AHCTF1: variants seen among roughly 807,000 people sequenced by gnomAD.
AHCTF1 encodes protein ELYS.
AHCTF1 carries 24 observed loss-of-function variants against 248.4 expected under a neutral mutation model. The ratio of observed to expected loss-of-function variants is 0.10; its 90% CI spans 0.07 to 0.14. The LOEUF is 0.14. AHCTF1 is among the 10% of genes least tolerant of loss of function. AHCTF1 has a pLI of 1.00. For missense variants in AHCTF1, 2,206 were observed against 2,636.2 expected (o/e 0.84, Z 3.57); for synonymous variants, 786 against 929.8 (o/e 0.85, Z 2.81).
intron 21 of AHCTF1, among the ~76,000 whole-genome samples, chr1:246,881,550 G>C (rs1225874789): frequency 6.6e-6 from 1 of 152,056 alleles, no homozygotes; most frequent in Non-Finnish European, 1.5e-5. Context: ...AATAGAAGCA[G>C]GGTCAGCTGG....
intron 1 of AHCTF1, among the ~76,000 whole-genome samples, chr1:246,929,457 A>G (rs1303573648): frequency 6.7e-6 from 1 of 149,784 alleles, no homozygotes; most frequent in Non-Finnish European, 1.5e-5. Context: ...TTGGATTTAG[A>G]AGGAGGACCT....
chr1:246,867,061 A>G (rs543119616), intron 26 of AHCTF1, among the ~76,000 whole-genome samples, 183 bp downstream of exon 26: 42 of 152,362 alleles, frequency 2.8e-4, no homozygotes, highest in South Asian at 1.9e-3. Context: ...AAAAATTTTA[A>G]GTATACTACT....
Position 246,890,826 on chromosome 1 carries a change from C to A in AHCTF1, c.2050+130G>T, listed in dbSNP as rs181867609. 8.0e-4 allele frequency: 430 copies of A among 535,744 alleles called. 2 individuals are homozygous for A. The highest frequency in any genetic ancestry group is 7.8e-3 in the African/African-American group (394 of 50,622). The allele number at this position is 535,744 out of a possible 1,614,324, so 33.2% of individuals were successfully genotyped here. On this transcript the variant is annotated intron_variant, in intron 16 of 35. Coordinates refer to ENST00000648844, the MANE Select transcript of AHCTF1 (RefSeq NM_001323342.2). The stretch of plus-strand genomic sequence containing the variant: ...AAAAATGTAAGAAAAGAAGGTTAAG[C>A]ATAAATTAAATTAAGGAGAAAAATA...
At chr1:246,877,788 T>C (rs1663085360) in intron 21 of AHCTF1, among the ~76,000 whole-genome samples, 1 of 152,116 alleles carries the variant, frequency 6.6e-6, no homozygotes. Flanking sequence ...CTGAGTTAAA[T>C]TTGGCAGTCT....
At chr1:246,845,683 T>TA (rs1660207069) in intron 33 of AHCTF1, among the ~76,000 whole-genome samples, 1 of 152,188 alleles carries the variant, frequency 6.6e-6, no homozygotes. Context: ...GTGCTTCTAT[T>TA]ATAGCACAGA....
In AHCTF1 at chr1:246,860,992, G is replaced by A. The variant is rs373619574; in HGVS notation, c.4039C>T (p.Leu1347=). Residue 1347 remains leucine, a synonymous_variant, in exon 29 of 36, where the codon CTA becomes TTA. Coordinates refer to ENST00000648844, the MANE Select transcript of AHCTF1 (RefSeq NM_001323342.2). ...ASKPKSSSTA[L]TTNVTEQTEK... ...GTTTGTTCAGTTACATTAGTAGTTAGTGCAGTGGAAGAGCTTTTGGGCTTA... is the reference window on the plus strand; with the variant it reads ...GTTTGTTCAGTTACATTAGTAGTTAATGCAGTGGAAGAGCTTTTGGGCTTA... 6.2e-6 allele frequency: 10 copies of A among 1,613,940 alleles called. No individual in the cohort carries two copies. In the South Asian group the frequency reaches 9.9e-5, roughly 16 times the overall value.
chr1:246,858,346 G>C (rs931186443), intron 29 of AHCTF1, among the ~76,000 whole-genome samples: 3 of 152,052 alleles, frequency 2.0e-5, no homozygotes, highest in Non-Finnish European at 4.4e-5. Flanking sequence ...AGGCACTAAT[G>C]CAACTGTTTT....
At position 246,926,724 on chromosome 1, in the gene AHCTF1, G is replaced by A. The variant is rs555945023; in HGVS notation, c.-8+4854C>T. Among the ~76,000 whole-genome samples, 34 of 152,188 alleles carry A rather than the reference G, an allele frequency of 2.2e-4. 2 individuals carry two copies. In the South Asian group the frequency reaches 6.6e-3, roughly 30 times the overall value. On this transcript the variant is annotated intron_variant, in intron 1 of 35. Transcript: ENST00000648844. ...CAGAAAACTAACCAGGTGTGGTGGC[G>A]CATGCCTATAATCCCAGCTACTTTG...
intron 33 of AHCTF1, among the ~76,000 whole-genome samples, chr1:246,847,771 A>G (rs1182780434): frequency 6.6e-6 from 1 of 152,216 alleles, no homozygotes; most frequent in Non-Finnish European, 1.5e-5. Context: ...AATGAAAAAT[A>G]GGTAAAGATG....
intron 8 of AHCTF1, among the ~76,000 whole-genome samples, chr1:246,901,411 TGGATCATGA>T (rs1487365147): frequency 6.6e-6 from 1 of 150,732 alleles, no homozygotes; most frequent in African/African-American, 2.4e-5. Context: ...CCGAGGCGGG[TGGATCATGA>T]GGTCAGGAGA....
chr1:246,900,229 T>C lies in AHCTF1; in HGVS notation c.1268A>G (p.His423Arg). ...CCACAGTGCAAAATAAGAGCAATTA[T>C]GTAGATATTCTCCTGACCTAAAAGA... ...PDSLRSGEYL[H>R]NCSYFALWSL... is the part of the protein sequence containing the mutation. The change falls in exon 10 of 36, where the codon CAT becomes CGT. Residue 423 changes from histidine to arginine, a missense_variant. His to Arg is a conservative substitution (Grantham distance 29). This residue lies in a region of AHCTF1 where 650 missense variants were observed against 870.8 expected (regional missense o/e 0.75). Transcript: ENST00000648844. 1 of 1,593,358 alleles carries C rather than the reference T, an allele frequency of 6.3e-7. No individual in the cohort carries two copies.
intron 17 of AHCTF1, among the ~76,000 whole-genome samples, chr1:246,888,981 C>T (rs572974922): frequency 1.3e-5 from 2 of 152,128 alleles, no homozygotes; most frequent in Admixed American, 1.3e-4. Flanking sequence ...GAGAGTTAGT[C>T]GGATAAGCCC....
chr1:246,873,657 A>G (rs1265956452), intron 24 of AHCTF1, among the ~76,000 whole-genome samples: 1 of 152,202 alleles, frequency 6.6e-6, no homozygotes, highest in Non-Finnish European at 1.5e-5. Context: ...CACTAAGTCG[A>G]TTTCTCTTGC....
chr1:246,868,629 A>AGTT (rs1662220256), intron 24 of AHCTF1, among the ~76,000 whole-genome samples: 1 of 151,540 alleles, frequency 6.6e-6, no homozygotes, highest in African/African-American at 2.4e-5. Flanking sequence ...AAAAAAAAAA[A>AGTT]AGTTATTCTT....
At chr1:246,913,490 G>C in intron 3 of AHCTF1, 78 bp from the exon 4 acceptor site, 1 of 1,392,836 alleles carries the variant, frequency 7.2e-7, no homozygotes, top group South Asian at 1.4e-5. Flanking sequence ...TTAAGTTAAA[G>C]CAGGTTATCA....
chr1:246,869,948 T>C (rs1229190077), intron 24 of AHCTF1, among the ~76,000 whole-genome samples: 2 of 152,216 alleles, frequency 1.3e-5, no homozygotes, highest in Non-Finnish European at 2.9e-5. Flanking sequence ...ACAAAGTCCT[T>C]TGAAAACCTT....
Position 246,912,996 on chromosome 1 carries a change from C to T in AHCTF1, c.556+236G>A, listed in dbSNP as rs961804720. Among the ~76,000 whole-genome samples the T allele has an allele frequency of 3.3e-5, 5 of 152,108 alleles. No homozygotes were observed. The South Asian group carries it at 6.2e-4, about 19-fold the overall frequency. On this transcript the variant is annotated intron_variant, in intron 4 of 35. Coordinates refer to ENST00000648844, the MANE Select transcript of AHCTF1 (RefSeq NM_001323342.2). Reference sequence around the variant, plus strand: ...TCAATTATCACTACCTTTCTCAAGGCCTACTTGAGAACATATGAACACCTG... The same window carrying T: ...TCAATTATCACTACCTTTCTCAAGGTCTACTTGAGAACATATGAACACCTG...
chr1:246,842,748 A>G lies in AHCTF1; in HGVS notation c.6554T>C (p.Leu2185Pro). 6.2e-7 allele frequency: 1 copy of G among 1,613,850 alleles called. No individual in the cohort carries two copies. Among genetic ancestry groups the G allele is most frequent in the Non-Finnish European group, 8.5e-7 (1 of 1,180,002 alleles). The change falls in exon 35 of 36, where the codon CTG (leucine) becomes CCG (proline). Residue 2185 changes from leucine (L) to proline (P), a missense_variant. By Grantham distance (98) the Leu-to-Pro change is moderately conservative. Around this residue, in one of 6 missense-constraint regions of AHCTF1, gnomAD observed 469 missense variants for 470.0 expected, o/e 1.00. Transcript: ENST00000648844. ...LKDDAQSVETLGKPKAKRIRT... is the reference protein window; with the variant it reads ...LKDDAQSVETPGKPKAKRIRT... ...GATTCGTTTCGCTTTTGGCTTTCCC[A>G]GAGTTTCTACTGATTGTGCATCATC...
At chr1:246,929,875 A>C (rs1667210469) in intron 1 of AHCTF1, among the ~76,000 whole-genome samples, 1 of 152,162 alleles carries the variant, frequency 6.6e-6, no homozygotes, top group South Asian at 2.1e-4. Flanking sequence ...AATATGGTGA[A>C]ACCCCGTCTC....
Sources: allele counts gnomAD v4.1 joint callset (sites outside exome capture counted in the v4.1 genomes callset), GRCh38; gene constraint gnomAD v4.1.1; regional missense constraint gnomAD v4.1.1; transcripts MANE v1.5; gene names NCBI Gene and HGNC (gene_info 2026-07-23, HGNC 2026-07-21).